The following SOX5 variants were observed in gnomAD, a reference collection of about 807,000 sequenced individuals.
SOX5 encodes SRY-box transcription factor 5.
In SOX5, 9 loss-of-function variants were observed where a neutral mutation model predicts 92.0. That is an observed-to-expected ratio of 0.10 (90% CI 0.06 to 0.17). The LOEUF (loss-of-function observed/expected upper bound fraction) is 0.17, where lower values mean the gene tolerates loss of function less well. SOX5 is among the 10% of genes least tolerant of loss of function. The probability of loss-of-function intolerance (pLI) is 1.00; values close to 1 mark genes in which losing one functional copy is unlikely to be tolerated. For missense variants in SOX5, 642 were observed against 944.5 expected, an observed-to-expected ratio of 0.68 and a Z score of 4.20; for synonymous variants, 344 against 336.3, an observed-to-expected ratio of 1.02 and a Z score of -0.25.
At chr12:23,535,407 G>A (rs1940144413) in intron 14 of SOX5, among the ~76,000 whole-genome samples, 1 of 152,156 alleles carries the variant, frequency 6.6e-6, no homozygotes, top group African/African-American at 2.4e-5. Flanking sequence ...CTGCACTAAG[G>A]TCCCATACTT....
chr12:24,245,599 T>G (rs1938531741), intron 3 of SOX5, among the ~76,000 whole-genome samples: 1 of 152,210 alleles, frequency 6.6e-6, no homozygotes, highest in South Asian at 2.1e-4. Flanking sequence ...TTGGGGTCTT[T>G]GCCAGCTTGG....
intron 2 of SOX5, among the ~76,000 whole-genome samples, chr12:24,336,080 T>G (rs1038072356): frequency 1.4e-5 from 2 of 146,954 alleles, no homozygotes; most frequent in African/African-American, 2.5e-5. Flanking sequence ...TACGTTTTTT[T>G]TGTGTGTTTT....
At chr12:23,808,087 G>A (rs1056503756) in intron 3 of SOX5, among the ~76,000 whole-genome samples, 2 of 150,074 alleles carry the variant, frequency 1.3e-5, no homozygotes, top group African/African-American at 4.9e-5. Flanking sequence ...TTTGAGCAAG[G>A]CATCCTTGTT....
intron 2 of SOX5, among the ~76,000 whole-genome samples, chr12:24,351,367 C>T (rs528925702): frequency 1.4e-4 from 21 of 152,252 alleles, no homozygotes; most frequent in Non-Finnish European, 3.1e-4. Context: ...CGTAAATTAT[C>T]GAATATCTCT....
At chr12:24,551,787 A>T (rs1277942432) in intron 1 of SOX5, among the ~76,000 whole-genome samples, 1 of 152,204 alleles carries the variant, frequency 6.6e-6, no homozygotes, top group African/African-American at 2.4e-5. Context: ...GTCTTATCTC[A>T]CCAGGACTCC....
At chr12:24,212,872 T>A (rs1018454730) in intron 4 of SOX5, among the ~76,000 whole-genome samples, 4 of 152,088 alleles carry the variant, frequency 2.6e-5, no homozygotes, top group Admixed American at 2.6e-4. Context: ...CTCTGAAGAG[T>A]GTCAAGAGCT....
At chr12:24,279,055 T>G (rs905381422) in intron 2 of SOX5, among the ~76,000 whole-genome samples, 5 of 152,090 alleles carry the variant, frequency 3.3e-5, no homozygotes, top group African/African-American at 9.7e-5. Context: ...TGTATTTTTA[T>G]ATTTTTATTA....
At chr12:23,909,809 T>A (rs2097331780) in intron 1 of SOX5, among the ~76,000 whole-genome samples, 1 of 148,372 alleles carries the variant, frequency 6.7e-6, no homozygotes, top group Non-Finnish European at 1.5e-5. Context: ...CTTTTTTTTT[T>A]AACCTCATTA....
chr12:23,573,971 T>A (rs1948748724), intron 10 of SOX5, among the ~76,000 whole-genome samples: 1 of 151,770 alleles, frequency 6.6e-6, no homozygotes, highest in Non-Finnish European at 1.5e-5. Flanking sequence ...GTTAATTTGT[T>A]ACACAGCAAT....
rs553438962 is a variant in SOX5, at chr12:23,662,082, G to C, written c.931+3362C>G. 5.9e-5 allele frequency among the ~76,000 whole-genome samples: 9 copies of C among 151,888 alleles called. No individual in the cohort carries two copies. The South Asian group carries it at 1.9e-3, about 31-fold the overall frequency. ...TGAATGAAGCTGACTGATTAAACCA[G>C]TGTTTTCATGTAATTATTTTCAAGT... is the stretch of plus-strand genomic sequence containing the variant. On this transcript the variant is annotated intron_variant, in intron 7 of 14. Transcript: ENST00000451604.
chr12:23,935,465 C>A (rs1942336907), intron 1 of SOX5, among the ~76,000 whole-genome samples: 1 of 151,192 alleles, frequency 6.6e-6, no homozygotes. Flanking sequence ...TACTGCCTGT[C>A]TGTAAAGATA....
At chr12:24,172,728 T>A (rs1316899476) in intron 4 of SOX5, among the ~76,000 whole-genome samples, 1 of 152,102 alleles carries the variant, frequency 6.6e-6, no homozygotes, top group East Asian at 1.9e-4. Flanking sequence ...GTCCCCACTG[T>A]GAAGAGGATG....
chr12:24,050,767 T>C (rs542954406), intron 4 of SOX5, among the ~76,000 whole-genome samples: 5 of 152,302 alleles, frequency 3.3e-5, no homozygotes, highest in African/African-American at 1.2e-4. Context: ...ATGATTGTTA[T>C]GAGGTAAGAA....
intron 1 of SOX5, among the ~76,000 whole-genome samples, chr12:24,507,239 TCAC>T (rs1364209062): frequency 6.6e-6 from 1 of 152,088 alleles, no homozygotes; most frequent in Admixed American, 6.6e-5. Flanking sequence ...AATGAGGCTG[TCAC>T]CACTTGAACC....
chr12:24,515,784 A>G (rs1949725980), intron 1 of SOX5, among the ~76,000 whole-genome samples: 1 of 152,190 alleles, frequency 6.6e-6, no homozygotes, highest in Non-Finnish European at 1.5e-5. Flanking sequence ...AGAATTAGAG[A>G]AAAATTGTGA....
intron 3 of SOX5, among the ~76,000 whole-genome samples, chr12:24,263,019 C>G (rs887815160): frequency 1.3e-5 from 2 of 151,548 alleles, no homozygotes; most frequent in African/African-American, 2.4e-5. Flanking sequence ...GTCAGGAGTT[C>G]GAGGCCAGAC....
Position 24,372,783 on chromosome 12 carries a change from C to G in SOX5, c.-250-4144G>C, listed in dbSNP as rs1274949448. Reference sequence around the variant, plus strand: ...CATTCCTATTTCTCCACATCCTCTCCAGCATCTGTTGTTTCCTGACTTTTT... The same window carrying G: ...CATTCCTATTTCTCCACATCCTCTCGAGCATCTGTTGTTTCCTGACTTTTT... On this transcript the variant is annotated intron_variant, in intron 1 of 4. Transcript: ENST00000446891. Among the ~76,000 whole-genome samples the G allele has an allele frequency of 2.0e-5, 3 of 152,142 alleles. No homozygotes were observed. In the South Asian group the frequency reaches 6.2e-4, roughly 32 times the overall value.
chr12:23,913,169 T>C (rs1404248137), intron 1 of SOX5, among the ~76,000 whole-genome samples: 2 of 152,166 alleles, frequency 1.3e-5, no homozygotes, highest in Non-Finnish European at 2.9e-5. Flanking sequence ...CATATTTTCA[T>C]TGTTAATTAA....
intron 3 of SOX5, among the ~76,000 whole-genome samples, chr12:23,765,287 G>A (rs371622891): frequency 1.5e-5 from 2 of 137,364 alleles, no homozygotes; most frequent in East Asian, 2.4e-4. Flanking sequence ...GCAAAAGGGC[G>A]TTTAATGTTC....
Sources: gnomAD v4.1 joint callset for allele counts (sites outside exome capture counted in the v4.1 genomes callset) on GRCh38, gnomAD v4.1.1 for gene constraint, MANE v1.5 for transcripts, NCBI Gene and HGNC (gene_info 2026-07-23, HGNC 2026-07-21) for gene names.